The following LHX6 variants were observed in gnomAD, a reference collection of about 807,000 sequenced individuals.
LHX6 encodes LIM homeobox 6.
LHX6 carries 15 observed loss-of-function variants against 47.1 expected under a neutral mutation model. The ratio of observed to expected loss-of-function variants is 0.32; its 90% CI spans 0.21 to 0.49. The LOEUF is 0.49. Among genes scored for constraint, LHX6 ranks in the 20% least tolerant of loss-of-function variants. The pLI, the probability that LHX6 is intolerant of heterozygous loss-of-function variation, is 0.99. For missense variants in LHX6, 404 were observed against 539.6 expected (o/e 0.75, Z 2.49); for synonymous variants, 242 against 233.5 (o/e 1.04, Z -0.33).
In LHX6 at chr9:122,227,104, G is replaced by A. The variant is rs1831135249; in HGVS notation, c.157-74C>T. 6 of 1,378,986 alleles carry A rather than the reference G, an allele frequency of 4.4e-6. No individual in the cohort carries two copies. In the Admixed American group the frequency reaches 1.7e-4, roughly 40 times the overall value. The allele number at this position is 1,378,986 out of a possible 1,614,324, so 85.4% of individuals were successfully genotyped here. The stretch of plus-strand genomic sequence containing the variant: ...TTGGGGCTGCCTTGGAGACAAATCT[G>A]GGGCCCCCGAGCACCAATTGACAAC... On this transcript the variant is annotated intron_variant, in intron 2 of 9. Coordinates refer to ENST00000394319, the MANE Select transcript of LHX6 (RefSeq NM_014368.5).
intron 4 of LHX6, among the ~76,000 whole-genome samples, chr9:122,225,576 T>G (rs1831059984): frequency 6.6e-6 from 1 of 152,216 alleles, no homozygotes; most frequent in Non-Finnish European, 1.5e-5. Flanking sequence ...GTAATCCCAC[T>G]CAGGGCTCCG....
chr9:122,220,846 T>A (rs1830822632), intron 4 of LHX6, among the ~76,000 whole-genome samples: 1 of 152,232 alleles, frequency 6.6e-6, no homozygotes. Flanking sequence ...AAGGGAGCCC[T>A]GCGCCCTTGA....
intron 1 of LHX6, chr9:122,227,762 G>C (rs1288530052): frequency 2.0e-6 from 1 of 492,160 alleles, no homozygotes; most frequent in African/African-American, 2.0e-5. Context: ...AAGCCTCTGA[G>C]GGGGGAAGAA....
Position 122,214,144 on chromosome 9 carries a change from C to T in LHX6, c.784-75G>A. The T allele has an allele frequency of 1.4e-6, 2 of 1,469,114 alleles. No individual in the cohort carries two copies. Among genetic ancestry groups the T allele is most frequent in the South Asian group, 1.2e-5 (1 of 83,054 alleles). The allele number at this position is 1,469,114 out of a possible 1,614,324, so 91.0% of individuals were successfully genotyped here. Reference sequence around the variant, plus strand: ...CCCCGGCCCAATCAGCGGCGCCAGTCCACAGGCCACGCCCCAGGCAGCTGC... The same window carrying T: ...CCCCGGCCCAATCAGCGGCGCCAGTTCACAGGCCACGCCCCAGGCAGCTGC... On this transcript the variant is annotated intron_variant, in intron 6 of 9. Transcript: ENST00000394319. The surrounding 1 kb of genome is among the most constrained non-coding windows in gnomAD (Gnocchi z 4.6).
Position 122,217,055 on chromosome 9 carries a change from G to A in LHX6, c.682+13C>T. On this transcript the variant is annotated intron_variant, in intron 5 of 9. Transcript: ENST00000394319. The surrounding 1 kb of genome is among the most constrained non-coding windows in gnomAD (Gnocchi z 4.9). The stretch of plus-strand genomic sequence containing the variant: ...GCTGGGGGCAGAGGTGCCAGGCGGA[G>A]CAGGTTGGGTACCGTTCTCGGCGGC... 1.2e-6 allele frequency: 2 copies of A among 1,610,790 alleles called. No individual in the cohort carries two copies. Among genetic ancestry groups the A allele is most frequent in the Non-Finnish European group, 1.7e-6 (2 of 1,177,090 alleles).
rs1200019046 is a variant in LHX6, at chr9:122,225,159, TTCTAGGGCAGGGG to T, written c.461+1204_461+1216del. Among the ~76,000 whole-genome samples the T allele has an allele frequency of 3.3e-5, 5 of 152,112 alleles. No individual in the cohort carries two copies. The East Asian group carries it at 9.6e-4, about 29-fold the overall frequency. On this transcript the variant is annotated intron_variant, in intron 4 of 9. Coordinates refer to ENST00000394319, the MANE Select transcript of LHX6 (RefSeq NM_014368.5). ...ATATTCCCTGACTCCCAGAGGCTCT[TTCTAGGGCAGGGG>T]TCTGGCCAGGAAGACTGAAGCCATG...
rs1830067814 is a variant in LHX6 at position 122,203,784 on chromosome 9, T to C, written c.*976A>G. 1 of 152,666 alleles carries C rather than the reference T, an allele frequency of 6.6e-6. No homozygotes were observed. The highest frequency in any genetic ancestry group is 1.5e-5 in the Non-Finnish European group (1 of 68,092). 9.5% of individuals were successfully genotyped at this position (152,666 alleles called of 1,614,324 possible). On this transcript the variant is annotated 3_prime_UTR_variant, in exon 10 of 10. Coordinates refer to ENST00000394319, the MANE Select transcript of LHX6 (RefSeq NM_014368.5). Reference sequence around the variant, plus strand: ...GTTAACATTCTGACTGCCATTTCACTGGGCTCTGTTCCCTCTCCCCTATAA... The same window carrying C: ...GTTAACATTCTGACTGCCATTTCACCGGGCTCTGTTCCCTCTCCCCTATAA...
intron 5 of LHX6, among the ~76,000 whole-genome samples, chr9:122,215,695 C>T (rs1377632942): frequency 6.6e-6 from 1 of 152,208 alleles, no homozygotes; most frequent in Non-Finnish European, 1.5e-5. Context: ...GATAAGCAGG[C>T]AGCAAGTGAA....
intron 8 of LHX6, among the ~76,000 whole-genome samples, chr9:122,211,619 GC>G (rs1830400254): frequency 6.6e-6 from 1 of 152,212 alleles, no homozygotes; most frequent in Admixed American, 6.5e-5. Context: ...CAGTCATGCA[GC>G]AGGAGGTGCA....
chr9:122,216,025 G>A (rs1830582443), intron 5 of LHX6, among the ~76,000 whole-genome samples: 1 of 152,160 alleles, frequency 6.6e-6, no homozygotes, highest in Non-Finnish European at 1.5e-5. Flanking sequence ...TGATTAAGGT[G>A]CCCTAGAGCT....
At chr9:122,216,426 G>A (rs934578093) in intron 5 of LHX6, among the ~76,000 whole-genome samples, 1 of 152,208 alleles carries the variant, frequency 6.6e-6, no homozygotes, top group Non-Finnish European at 1.5e-5. Context: ...GATCATTCTA[G>A]TCCAGTATCT....
intron 4 of LHX6, among the ~76,000 whole-genome samples, chr9:122,224,350 G>C (rs1463102372): frequency 6.6e-6 from 1 of 152,116 alleles, no homozygotes; most frequent in Non-Finnish European, 1.5e-5. Context: ...ATACCAACTG[G>C]AGTCAGGCCT....
chr9:122,226,986 G>A lies in LHX6; in HGVS notation c.201C>T (p.Asp67=). 1 of 1,539,694 alleles carries A rather than the reference G, an allele frequency of 6.5e-7. No homozygotes were observed. Residue 67 remains aspartate (D), a synonymous_variant, in exon 3 of 10, where the codon GAC becomes GAT. Coordinates refer to ENST00000394319, the MANE Select transcript of LHX6 (RefSeq NM_014368.5). This position sits in a 1 kb window ranked among gnomAD's most constrained non-coding sequence, Gnocchi z 6.5. The part of the protein sequence containing the change: ...AEALAGALDK[D]EGQASPCTPS... The stretch of plus-strand genomic sequence containing the variant: ...GCGTACATGGGGAGGCCTGACCCTC[G>A]TCCTTGTCCAGAGCTCCTGCCAGGG...
intron 4 of LHX6, among the ~76,000 whole-genome samples, chr9:122,218,423 G>C (rs114792433): frequency 6.6e-6 from 1 of 151,958 alleles, no homozygotes; most frequent in Non-Finnish European, 1.5e-5. Flanking sequence ...GCCAATCATC[G>C]ATGCTGTTGG....
At chr9:122,211,934 G>T (rs1830411931) in intron 8 of LHX6, among the ~76,000 whole-genome samples, 1 of 152,138 alleles carries the variant, frequency 6.6e-6, no homozygotes, top group African/African-American at 2.4e-5. Context: ...TTATTGTTTA[G>T]AAAAGAAAGG....
chr9:122,228,038 A>T (rs1408634179), intron 1 of LHX6: 3 of 464,064 alleles, frequency 6.5e-6, no homozygotes. Context: ...AAAGAAAGAA[A>T]ATAAAAAAGA....
At chr9:122,211,690 A>G (rs1029582248) in intron 8 of LHX6, among the ~76,000 whole-genome samples, 4 of 152,200 alleles carry the variant, frequency 2.6e-5, no homozygotes, top group Non-Finnish European at 4.4e-5. Context: ...GGGTAAGAGG[A>G]GAGGGCACCT....
Position 122,226,268 on chromosome 9 carries a change from T to G in LHX6, c.461+108A>C, listed in dbSNP as rs1430818653. 2 of 1,410,508 alleles carry G rather than the reference T, an allele frequency of 1.4e-6. No homozygotes were observed. Among genetic ancestry groups the G allele is most frequent in the Non-Finnish European group, 1.9e-6 (2 of 1,055,332 alleles). 87.4% of individuals were successfully genotyped at this position (1,410,508 alleles called of 1,614,324 possible). A position where few individuals can be genotyped will look rare whatever the true frequency, so the allele number is the denominator to read the frequency against. ...CCAGCGCTGCGCGCCGGAAGTGCAC[T>G]CGGGACGCCGGGGTTCTGGAGGAGA... is the stretch of plus-strand genomic sequence containing the variant. On this transcript the variant is annotated intron_variant, in intron 4 of 9. Coordinates refer to ENST00000394319, the MANE Select transcript of LHX6 (RefSeq NM_014368.5). This position sits in a 1 kb window ranked among gnomAD's most constrained non-coding sequence, Gnocchi z 6.5.
chr9:122,221,563 A>G (rs1830862688), intron 4 of LHX6: 5 of 984,678 alleles, frequency 5.1e-6, no homozygotes, highest in Admixed American at 6.2e-5. Flanking sequence ...CACTCACTGA[A>G]CCCCCACCCC....
Sources: allele counts gnomAD v4.1 joint callset (sites outside exome capture counted in the v4.1 genomes callset), GRCh38; gene constraint gnomAD v4.1.1; non-coding constraint Gnocchi (gnomAD v3.1); transcripts MANE v1.5; gene names NCBI Gene and HGNC (gene_info 2026-07-23, HGNC 2026-07-21).